PCTP: variants seen among roughly 807,000 people sequenced by gnomAD.
The protein encoded by PCTP is START domain-containing protein 2.
In PCTP, 27 loss-of-function variants were observed where a neutral mutation model predicts 31.0. That is an observed-to-expected ratio of 0.87 (90% CI 0.64 to 1.20). PCTP has a LOEUF of 1.20. Ranked by LOEUF, PCTP falls within the 50% of genes most tolerant of loss-of-function variation. The pLI, the probability that PCTP is intolerant of heterozygous loss-of-function variation, is 0.00. For synonymous variants in PCTP, 108 were observed against 101.2 expected, an observed-to-expected ratio of 1.07 and a Z score of -0.40; for missense variants, 287 against 268.2, an observed-to-expected ratio of 1.07 and a Z score of -0.49.
chr17:55,781,683 T>G (rs76625292), downstream of PCTP, among the ~76,000 whole-genome samples: 1 of 152,250 alleles, frequency 6.6e-6, no homozygotes, highest in African/African-American at 2.4e-5. Flanking sequence ...CCTATATTTT[T>G]AATGCACCTT....
At chr17:55,803,794 G>A (rs2145031413) in intron 3 of PCTP, among the ~76,000 whole-genome samples, 1 of 151,848 alleles carries the variant, frequency 6.6e-6, no homozygotes, top group African/African-American at 2.4e-5. Context: ...CAGGACATAG[G>A]CATGGGCAAA....
intron 3 of PCTP, among the ~76,000 whole-genome samples, chr17:55,797,750 C>T (rs1912232316): frequency 6.6e-6 from 1 of 151,922 alleles, no homozygotes; most frequent in African/African-American, 2.4e-5. Context: ...CTGAGAGAAA[C>T]AAAACTGAGT....
intron 1 of PCTP, among the ~76,000 whole-genome samples, chr17:55,754,237 T>A (rs1050554322): frequency 1.3e-5 from 2 of 152,238 alleles, no homozygotes; most frequent in African/African-American, 4.8e-5. Context: ...GTAATGCCAG[T>A]TGAAAGCCCC....
intron 4 of PCTP, 118 bp downstream of exon 4, chr17:55,774,013 A>C (rs1911166916): frequency 8.1e-7 from 1 of 1,233,978 alleles, no homozygotes; most frequent in African/African-American, 1.5e-5. Flanking sequence ...AGGACAGGCA[A>C]AGCTGCAGAG....
chr17:55,810,701 G>C (rs1414008756), intron 3 of PCTP, among the ~76,000 whole-genome samples: 1 of 152,186 alleles, frequency 6.6e-6, no homozygotes, highest in African/African-American at 2.4e-5. Context: ...TTGGATAACT[G>C]TGTCAACCTG....
chr17:55,827,591 A>G (rs78988172), downstream of PCTP, among the ~76,000 whole-genome samples: 15,752 of 152,260 alleles, frequency 0.1, 1,181 homozygotes, highest in East Asian at 0.38. Context: ...AGGACTTACT[A>G]AGAGGCTAGC....
intron 5 of PCTP, among the ~76,000 whole-genome samples, chr17:55,830,131 G>A (rs187124005): frequency 6.6e-6 from 1 of 152,150 alleles, no homozygotes; most frequent in Non-Finnish European, 1.5e-5. Flanking sequence ...AAATACTAAT[G>A]TCTGGGTTCC....
At chr17:55,831,244 A>G (rs1353804441) in intron 5 of PCTP, among the ~76,000 whole-genome samples, 1 of 152,198 alleles carries the variant, frequency 6.6e-6, no homozygotes, top group Non-Finnish European at 1.5e-5. Context: ...TCCTAACTCC[A>G]GGGTATAATT....
At chr17:55,851,855 G>C in the PCTP span, among the ~76,000 whole-genome samples, 20 of 152,268 alleles carry the variant, frequency 1.3e-4, no homozygotes, top group African/African-American at 4.1e-4. Flanking sequence ...GAGGTAAAAT[G>C]GAACAACCAC....
chr17:55,803,328 T>C (rs1006718888), intron 3 of PCTP, among the ~76,000 whole-genome samples: 2 of 152,152 alleles, frequency 1.3e-5, no homozygotes, highest in South Asian at 2.1e-4. Context: ...CAAGCTACCA[T>C]TGACTTTCTC....
intron 1 of PCTP, among the ~76,000 whole-genome samples, chr17:55,759,343 T>C (rs1214906965): frequency 1.3e-5 from 2 of 152,220 alleles, no homozygotes; most frequent in Admixed American, 1.3e-4. Context: ...TTTACCTAGC[T>C]GTGTGCAACC....
At chr17:55,810,515 C>T (rs1232496300) in intron 3 of PCTP, among the ~76,000 whole-genome samples, 1 of 152,168 alleles carries the variant, frequency 6.6e-6, no homozygotes, top group Non-Finnish European at 1.5e-5. Flanking sequence ...CTAGGAAGCT[C>T]CTTCATTGTA....
chr17:55,784,781 A>G (rs1367899425), intron 2 of PCTP, among the ~76,000 whole-genome samples: 4 of 152,246 alleles, frequency 2.6e-5, no homozygotes, highest in Non-Finnish European at 5.9e-5. Flanking sequence ...CTTTATACTT[A>G]TAATCAAATC....
rs572333636 is a variant in PCTP at position 55,784,329 on chromosome 17, A to G, written c.229-3237A>G. 9.9e-5 allele frequency among the ~76,000 whole-genome samples: 15 copies of G among 152,252 alleles called. No individual in the cohort carries two copies. The East Asian group carries it at 1.4e-3, about 14-fold the overall frequency. On this transcript the variant is annotated intron_variant, in intron 2 of 3. Coordinates refer to the PCTP transcript ENST00000572536. ...TGTGGCTGTAGGAGACCTTCCCCCA[A>G]TGGCTCCACATACACAGTCAGGATT...
At chr17:55,844,845 T>C (rs1198635036), downstream of PCTP, among the ~76,000 whole-genome samples, 1 of 151,764 alleles carries the variant, frequency 6.6e-6, no homozygotes, top group Non-Finnish European at 1.5e-5. Flanking sequence ...ATCCCAGCAC[T>C]TTGGGAGCCC....
At chr17:55,781,399 GA>G (rs552282498), downstream of PCTP, among the ~76,000 whole-genome samples, 33 of 152,312 alleles carry the variant, frequency 2.2e-4, no homozygotes, top group African/African-American at 7.9e-4. Context: ...CTTGGATTTA[GA>G]AAAAACTTAA....
chr17:55,806,648 A>G (rs1247927123), intron 3 of PCTP, among the ~76,000 whole-genome samples: 1 of 152,136 alleles, frequency 6.6e-6, no homozygotes, highest in Non-Finnish European at 1.5e-5. Flanking sequence ...ACAACTAATG[A>G]GGGCAGTGTG....
chr17:55,760,527 G>A (rs373035005), intron 1 of PCTP, among the ~76,000 whole-genome samples: 1 of 152,180 alleles, frequency 6.6e-6, no homozygotes, highest in Non-Finnish European at 1.5e-5. Context: ...CGGTGAATCT[G>A]AGCCCATGCT....
chr17:55,803,071 A>G (rs1912443409), intron 3 of PCTP, among the ~76,000 whole-genome samples: 1 of 152,198 alleles, frequency 6.6e-6, no homozygotes, highest in Non-Finnish European at 1.5e-5. Context: ...AATAATAGAC[A>G]AACAGAGAGC....
Sources: allele counts gnomAD v4.1 joint callset (sites outside exome capture counted in the v4.1 genomes callset), GRCh38; gene constraint gnomAD v4.1.1; transcripts MANE v1.5; gene names NCBI Gene and HGNC (gene_info 2026-07-23, HGNC 2026-07-21).